SAMD12: variants seen among roughly 807,000 people sequenced by gnomAD.
SAMD12 encodes sterile alpha motif domain-containing protein 12.
SAMD12 carries 9 observed loss-of-function variants against 15.0 expected under a neutral mutation model. That is an observed-to-expected ratio of 0.60 (90% CI 0.36 to 1.05). The LOEUF is 1.05. Among genes scored for constraint, SAMD12 ranks in the 50% least tolerant of loss-of-function variants. The probability of loss-of-function intolerance (pLI) is 0.01; values close to 1 mark genes in which losing one functional copy is unlikely to be tolerated. For synonymous variants in SAMD12, 86 were observed against 90.1 expected (o/e 0.96, Z 0.25); for missense variants, 230 against 234.2 (o/e 0.98, Z 0.12).
the SAMD12 span, among the ~76,000 whole-genome samples, chr8:118,179,777 C>T: frequency 2.6e-5 from 4 of 152,118 alleles, no homozygotes; most frequent in Non-Finnish European, 5.9e-5. Context: ...TATGCACATA[C>T]GGGACTAGGC....
chr8:118,430,396 C>T (rs1822364469), intron 3 of SAMD12, among the ~76,000 whole-genome samples: 2 of 151,000 alleles, frequency 1.3e-5, no homozygotes, highest in South Asian at 4.2e-4. Flanking sequence ...TGGAGTCTCG[C>T]TCTGTTGCCA....
At chr8:118,303,531 C>T (rs1436834783) in intron 4 of SAMD12, among the ~76,000 whole-genome samples, 2 of 152,138 alleles carry the variant, frequency 1.3e-5, no homozygotes, top group Non-Finnish European at 2.9e-5. Context: ...CAGAATTCTA[C>T]GATTGACAAA....
intron 4 of SAMD12, among the ~76,000 whole-genome samples, chr8:118,355,144 C>T (rs184166943): frequency 1.3e-4 from 20 of 152,256 alleles, no homozygotes; most frequent in Admixed American, 1.3e-3. Context: ...AACCCAAATC[C>T]CCATCAATCA....
At chr8:118,207,589 G>A (rs1819896556) in intron 4 of SAMD12, among the ~76,000 whole-genome samples, 1 of 152,154 alleles carries the variant, frequency 6.6e-6, no homozygotes, top group Non-Finnish European at 1.5e-5. Context: ...CCGAGGGACT[G>A]TTTTCTAATT....
chr8:118,357,987 TA>T (rs541176648), intron 4 of SAMD12, among the ~76,000 whole-genome samples: 2 of 151,766 alleles, frequency 1.3e-5, no homozygotes. Context: ...CTACAAAAAA[TA>T]AAAAAAATTA....
At chr8:118,551,384 G>A (rs56234134) in intron 2 of SAMD12, among the ~76,000 whole-genome samples, 7,599 of 151,566 alleles carry the variant, frequency 0.05, 274 homozygotes, top group Non-Finnish European at 0.083. Context: ...ACTCAAAACC[G>A]CTCAACTACA....
intron 2 of SAMD12, among the ~76,000 whole-genome samples, chr8:118,489,735 A>G (rs1041864474): frequency 3.3e-5 from 5 of 152,166 alleles, no homozygotes; most frequent in Non-Finnish European, 7.4e-5. Context: ...TTTAGCTCGT[A>G]ATGTCCTTCT....
the SAMD12 span, among the ~76,000 whole-genome samples, chr8:118,133,096 T>A: frequency 6.7e-6 from 1 of 148,258 alleles, no homozygotes; most frequent in Non-Finnish European, 1.5e-5. Flanking sequence ...GGGTTTTATC[T>A]GAATGATTTC....
At chr8:118,459,907 G>T (rs151004251) in intron 2 of SAMD12, among the ~76,000 whole-genome samples, 1 of 152,128 alleles carries the variant, frequency 6.6e-6, no homozygotes, top group African/African-American at 2.4e-5. Flanking sequence ...AGACACTAAG[G>T]AGCCAACAAC....
At chr8:118,429,829 G>A (rs1822343499) in intron 3 of SAMD12, among the ~76,000 whole-genome samples, 2 of 152,092 alleles carry the variant, frequency 1.3e-5, no homozygotes, top group African/African-American at 2.4e-5. Flanking sequence ...GGGAGGCGGA[G>A]GTTGCAGTGA....
intron 4 of SAMD12, among the ~76,000 whole-genome samples, chr8:118,270,737 C>G (rs374482153): frequency 2.0e-5 from 3 of 152,274 alleles, no homozygotes; most frequent in East Asian, 3.9e-4. Flanking sequence ...ATAAGACAAT[C>G]TTTCCTAGTG....
chr8:118,373,717 A>G (rs1189966531), downstream of SAMD12, among the ~76,000 whole-genome samples: 1 of 152,174 alleles, frequency 6.6e-6, no homozygotes, highest in Admixed American at 6.6e-5. Flanking sequence ...AAGGCATATG[A>G]GGATGGTAGC....
At chr8:118,357,695 T>C (rs1279292998) in intron 4 of SAMD12, among the ~76,000 whole-genome samples, 1 of 152,224 alleles carries the variant, frequency 6.6e-6, no homozygotes, top group Non-Finnish European at 1.5e-5. Context: ...TGAAAAAAAT[T>C]CTTTAATGGC....
intron 1 of SAMD12, among the ~76,000 whole-genome samples, chr8:118,586,298 C>A (rs1462463391): frequency 6.6e-6 from 1 of 151,878 alleles, no homozygotes; most frequent in Non-Finnish European, 1.5e-5. Flanking sequence ...GTCTTGCACC[C>A]AGTATATCCT....
At chr8:118,254,030 T>C (rs1486468876) in intron 4 of SAMD12, among the ~76,000 whole-genome samples, 1 of 152,104 alleles carries the variant, frequency 6.6e-6, no homozygotes, top group Non-Finnish European at 1.5e-5. Context: ...GGACTCTAAA[T>C]TACACTGGCA....
At chr8:118,160,015 C>T in the SAMD12 span, among the ~76,000 whole-genome samples, 15 of 152,232 alleles carry the variant, frequency 9.9e-5, no homozygotes, top group South Asian at 6.2e-4. Flanking sequence ...CCACTGCGCC[C>T]GGCCCATAAC....
intron 4 of SAMD12, among the ~76,000 whole-genome samples, chr8:118,343,147 T>C (rs1447342163): frequency 2.0e-5 from 3 of 152,030 alleles, no homozygotes; most frequent in Admixed American, 2.0e-4. Flanking sequence ...CCACATCCCA[T>C]GCAGGAGGCA....
intron 2 of SAMD12, among the ~76,000 whole-genome samples, chr8:118,514,457 C>T (rs1313266329): frequency 1.3e-5 from 2 of 152,176 alleles, no homozygotes; most frequent in East Asian, 3.8e-4. Context: ...ATCTGTAAGT[C>T]AGACATTCTC....
intron 2 of SAMD12, among the ~76,000 whole-genome samples, chr8:118,456,551 G>A (rs1823257109): frequency 6.6e-6 from 1 of 152,194 alleles, no homozygotes; most frequent in African/African-American, 2.4e-5. Context: ...CTAGAAGCGA[G>A]AGTACAGAAT....
Sources: gnomAD v4.1 joint callset for allele counts (sites outside exome capture counted in the v4.1 genomes callset) on GRCh38, gnomAD v4.1.1 for gene constraint, MANE v1.5 for transcripts, NCBI Gene and HGNC (gene_info 2026-07-23, HGNC 2026-07-21) for gene names.